Variants in C2orf42 observed in about 807,000 individuals in gnomAD.
C2orf42 encodes uncharacterized protein C2orf42.
Under a neutral mutation model 58.9 loss-of-function variants are expected in C2orf42, and 44 were observed. The observed-to-expected ratio is 0.75, with a 90% CI of 0.59 to 0.96. The LOEUF (loss-of-function observed/expected upper bound fraction) is 0.96. Among genes scored for constraint, C2orf42 ranks in the 40% least tolerant of loss-of-function variants. C2orf42 has a pLI of 0.00. For missense variants in C2orf42, 630 were observed against 699.2 expected, an observed-to-expected ratio of 0.90 and a Z score of 1.12; for synonymous variants, 239 against 265.4, an observed-to-expected ratio of 0.90 and a Z score of 0.97.
intron 8 of C2orf42, among the ~76,000 whole-genome samples, chr2:70,164,332 A>C (rs1016837143): frequency 6.6e-6 from 1 of 150,812 alleles, no homozygotes; most frequent in Middle Eastern, 3.4e-3. Flanking sequence ...AAAAAAGACC[A>C]AAAAAAAATT....
chr2:70,160,793 C>T lies in C2orf42; in HGVS notation c.1354-6G>A. On this transcript the variant is annotated splice_region_variant and splice_polypyrimidine_tract_variant and intron_variant, in intron 8 of 9. Coordinates refer to ENST00000264434, the MANE Select transcript of C2orf42 (RefSeq NM_017880.3). ...CGGGTGATTTCCAAGGGCATCTGGA[C>T]ACCAAGACAATACCAAAAAAAGGTG... 1.3e-6 allele frequency: 2 copies of T among 1,567,656 alleles called. No individual in the cohort carries two copies. The highest frequency in any genetic ancestry group is 1.7e-6 in the Non-Finnish European group (2 of 1,162,418).
Position 70,179,633 on chromosome 2 carries a change from T to C in C2orf42, c.833A>G (p.Glu278Gly). Reference sequence around the variant, plus strand: ...GCAACCTAACTGGGGTACAATAATCTCTTTAAGACCTAAAAAAAAGAAGAT... The same window carrying C: ...GCAACCTAACTGGGGTACAATAATCCCTTTAAGACCTAAAAAAAAGAAGAT... ...FLNFDSSGLK[E>G]IIVPQLGCHS... Residue 278 changes from glutamate (E) to glycine (G), a missense_variant, in exon 4 of 10, where the codon GAG becomes GGG. Physicochemically the swap from Glu to Gly is moderately conservative, Grantham distance 98. Coordinates refer to ENST00000264434, the MANE Select transcript of C2orf42 (RefSeq NM_017880.3). 1 of 1,383,924 alleles carries C rather than the reference T, an allele frequency of 7.2e-7. No individual in the cohort carries two copies. Among genetic ancestry groups the C allele is most frequent in the Non-Finnish European group, 1.0e-6 (1 of 974,428 alleles). The allele number at this position is 1,383,924 out of a possible 1,614,324, so 85.7% of individuals were successfully genotyped here.
Position 70,181,921 on chromosome 2 carries a change from A to C in C2orf42, c.65T>G (p.Leu22Trp). The change falls in exon 3 of 10, where the codon TTG (leucine) becomes TGG (tryptophan). Residue 22 changes from leucine to tryptophan, a missense_variant. Coordinates refer to ENST00000264434, the MANE Select transcript of C2orf42 (RefSeq NM_017880.3). ...TCGGGGACACTTTCTGATTCCCCTC[A>C]ATGTGGCCTTCCCCAAATCAGATAA... The part of the protein sequence containing the change: ...AFLSDLGKAT[L>W]RGIRKCPRCG... 4 of 1,613,946 alleles carry C rather than the reference A, an allele frequency of 2.5e-6. No homozygotes were observed. The highest frequency in any genetic ancestry group is 3.4e-6 in the Non-Finnish European group (4 of 1,179,906).
intron 6 of C2orf42, among the ~76,000 whole-genome samples, chr2:70,166,766 A>G (rs1183628031): frequency 1.3e-5 from 2 of 152,270 alleles, no homozygotes; most frequent in South Asian, 2.1e-4. Flanking sequence ...CAAATTTTAA[A>G]AAGACCAACA....
chr2:70,153,690 C>G (rs1407804570), intron 9 of C2orf42, among the ~76,000 whole-genome samples: 6 of 131,946 alleles, frequency 4.5e-5, no homozygotes, highest in African/African-American at 1.8e-4. Flanking sequence ...AAAAAAAAAA[C>G]TACATAAGGA....
chr2:70,175,911 A>G, intron 4 of C2orf42, 134 bp from the exon 5 acceptor site: 1 of 645,948 alleles, frequency 1.5e-6, no homozygotes. Context: ...TCTAGGAGTT[A>G]GCATTAGTCT....
intron 6 of C2orf42, among the ~76,000 whole-genome samples, chr2:70,167,798 CGA>C (rs1673504756): frequency 6.6e-6 from 1 of 151,720 alleles, no homozygotes; most frequent in Admixed American, 6.6e-5. Flanking sequence ...AGTCAAGGAG[CGA>C]GCTGATGGAA....
chr2:70,169,538 T>C lies in C2orf42; in HGVS notation c.1144+19A>G. The stretch of plus-strand genomic sequence containing the variant: ...TCTCCTACTTTCAGCAAGAGCCCAG[T>C]TAGATGAACAATACTTACCATCAAA... On this transcript the variant is annotated intron_variant, in intron 6 of 9. Coordinates refer to ENST00000264434, the MANE Select transcript of C2orf42 (RefSeq NM_017880.3). 8.0e-7 allele frequency: 1 copy of C among 1,251,376 alleles called. No homozygotes were observed. Among genetic ancestry groups the C allele is most frequent in the Non-Finnish European group, 1.2e-6 (1 of 851,410 alleles). The allele number at this position is 1,251,376 out of a possible 1,614,324, so 77.5% of individuals were successfully genotyped here.
At chr2:70,174,526 G>A (rs754174098) in intron 5 of C2orf42, among the ~76,000 whole-genome samples, 3 of 152,128 alleles carry the variant, frequency 2.0e-5, no homozygotes, top group Non-Finnish European at 1.5e-5. Context: ...GTACTTGTGT[G>A]TGGTATGCAT....
chr2:70,163,589 C>T (rs1475098811), intron 8 of C2orf42, among the ~76,000 whole-genome samples: 1 of 152,124 alleles, frequency 6.6e-6, no homozygotes, highest in Non-Finnish European at 1.5e-5. Context: ...GGGGCTCACG[C>T]CTGTAATCCA....
At chr2:70,161,658 T>C (rs1673056953) in intron 8 of C2orf42, among the ~76,000 whole-genome samples, 2 of 151,836 alleles carry the variant, frequency 1.3e-5, no homozygotes, top group Non-Finnish European at 2.9e-5. Context: ...CTGACCAACA[T>C]GGAGAAACCT....
chr2:70,188,739 C>T (rs1047825035), intron 1 of C2orf42, among the ~76,000 whole-genome samples: 15 of 152,274 alleles, frequency 9.9e-5, no homozygotes. Context: ...TGAGTCATCA[C>T]GTCTCCTTAG....
At chr2:70,160,541 G>A (rs1672987015) in intron 9 of C2orf42, 84 bp downstream of exon 9, 18 of 866,636 alleles carry the variant, frequency 2.1e-5, no homozygotes, top group Non-Finnish European at 3.1e-5. Flanking sequence ...TTTGTTTAAG[G>A]TCAAGATCCA....
rs558975955 is a variant in C2orf42, at chr2:70,160,133, C to CTT, written c.1516+490_1516+491dup. On this transcript the variant is annotated intron_variant, in intron 9 of 9. Coordinates refer to ENST00000264434, the MANE Select transcript of C2orf42 (RefSeq NM_017880.3). ...GCATGCATTTATTCATTCAGCAAGT[C>CTT]TTTTTTTTTTTTTTTTCTTTTTTTG... 2.3e-3 allele frequency among the ~76,000 whole-genome samples: 319 copies of CTT among 139,112 alleles called. 4 individuals are homozygous for CTT. Among genetic ancestry groups the CTT allele is most frequent in the South Asian group, 0.012 (54 of 4,410 alleles). The allele number at this position is 139,112 out of a possible 152,430, so 91.3% of individuals were successfully genotyped here. A position where few individuals can be genotyped will look rare whatever the true frequency, so the allele number is the denominator to read the frequency against.
At chr2:70,154,088 G>C (rs1672492728) in intron 9 of C2orf42, among the ~76,000 whole-genome samples, 1 of 147,062 alleles carries the variant, frequency 6.8e-6, no homozygotes, top group African/African-American at 2.5e-5. Context: ...AAAAAACACA[G>C]AAATTTCAGG....
chr2:70,158,275 G>A (rs1379468372), intron 9 of C2orf42, among the ~76,000 whole-genome samples: 15 of 151,302 alleles, frequency 9.9e-5, no homozygotes, highest in Non-Finnish European at 1.5e-4. Flanking sequence ...TGGAAACTAA[G>A]AATATGAAGA....
rs540731496 is a variant in C2orf42, at chr2:70,159,118, C to T, written c.1516+1507G>A. On this transcript the variant is annotated intron_variant, in intron 9 of 9. Transcript: ENST00000264434. ...AGCCAGGATGGTCTCGATCTCCTGA[C>T]CTTGTGATCCGCCTGTCTCAGCCTC... Among the ~76,000 whole-genome samples, 348 of 144,522 alleles carry T rather than the reference C, an allele frequency of 2.4e-3. 1 individual carries two copies. Among genetic ancestry groups the T allele is most frequent in the African/African-American group, 8.6e-3 (334 of 38,828 alleles). The allele number at this position is 144,522 out of a possible 152,430, so 94.8% of individuals were successfully genotyped here. A position where few individuals can be genotyped will look rare whatever the true frequency, so the allele number is the denominator to read the frequency against.
At chr2:70,186,074 A>C (rs1674913572) in intron 1 of C2orf42, among the ~76,000 whole-genome samples, 1 of 151,384 alleles carries the variant, frequency 6.6e-6, no homozygotes, top group South Asian at 2.1e-4. Flanking sequence ...AAAGCCACTG[A>C]TGTAGAGTCA....
intron 8 of C2orf42, among the ~76,000 whole-genome samples, chr2:70,161,695 C>T (rs1262405624): frequency 6.6e-6 from 1 of 151,864 alleles, no homozygotes; most frequent in African/African-American, 2.4e-5. Context: ...ACAAAATTAG[C>T]CAGGCGTGGT....
Sources: allele counts gnomAD v4.1 joint callset (sites outside exome capture counted in the v4.1 genomes callset), GRCh38; gene constraint gnomAD v4.1.1; transcripts MANE v1.5; gene names NCBI Gene and HGNC (gene_info 2026-07-23, HGNC 2026-07-21).